The following SENP5 variants were observed in gnomAD, a reference collection of about 807,000 sequenced individuals.
SENP5 encodes SUMO specific peptidase 5, also known as sentrin-specific protease 5.
A neutral mutation model predicts 74.2 loss-of-function variants in SENP5; 21 were observed. The observed-to-expected ratio is 0.28, with a 90% CI of 0.20 to 0.41. SENP5 has a LOEUF of 0.41. SENP5 is among the 10% of genes least tolerant of loss of function. SENP5 has a pLI of 1.00. For missense variants in SENP5, 717 were observed against 889.1 expected (o/e 0.81, Z 2.46); for synonymous variants, 311 against 312.7 (o/e 0.99, Z 0.06).
intron 2 of SENP5, among the ~76,000 whole-genome samples, chr3:196,891,922 C>A (rs961875293): frequency 6.6e-6 from 1 of 150,932 alleles, no homozygotes; most frequent in African/African-American, 2.4e-5. Flanking sequence ...TCCGGAGTAG[C>A]TGGGACTATA....
At position 196,885,408 on chromosome 3, in the gene SENP5, T is replaced by G; in HGVS notation, c.227T>G (p.Leu76Arg). 6.2e-7 allele frequency: 1 copy of G among 1,614,182 alleles called. No homozygotes were observed. Among genetic ancestry groups the G allele is most frequent in the East Asian group, 2.2e-5 (1 of 44,884 alleles). Residue 76 changes from leucine to arginine, a missense_variant, in exon 2 of 10, where the codon CTT (leucine) becomes CGT (arginine). By Grantham distance (102) the Leu-to-Arg change is moderately radical. Transcript: ENST00000323460. ...IQKTWIKDEP[L>R]CAKTKFNVAT... ...AAAACGTGGATCAAGGATGAACCCC[T>G]TTGTGCTAAGACCAAGTTCAATGTG...
At chr3:196,873,683 AC>A (rs1338726463) in intron 1 of SENP5, among the ~76,000 whole-genome samples, 1 of 151,856 alleles carries the variant, frequency 6.6e-6, no homozygotes, top group Non-Finnish European at 1.5e-5. Flanking sequence ...TACTAAAAAT[AC>A]AAAAAATTAG....
intron 1 of SENP5, among the ~76,000 whole-genome samples, chr3:196,878,665 C>G (rs1431438030): frequency 1.3e-5 from 2 of 152,154 alleles, no homozygotes; most frequent in African/African-American, 4.8e-5. Flanking sequence ...GATCTCCGCT[C>G]ACTGCAATCT....
intron 6 of SENP5, among the ~76,000 whole-genome samples, chr3:196,911,710 T>C (rs926098301): frequency 6.6e-6 from 1 of 152,106 alleles, no homozygotes; most frequent in Non-Finnish European, 1.5e-5. Flanking sequence ...CTCGGGAGGC[T>C]GAGGCAGGAG....
intron 1 of SENP5, among the ~76,000 whole-genome samples, chr3:196,873,740 T>C (rs1384342202): frequency 6.6e-6 from 1 of 152,202 alleles, no homozygotes; most frequent in African/African-American, 2.4e-5. Flanking sequence ...CTCGGGAGGC[T>C]GAGGCAGGAG....
intron 6 of SENP5, among the ~76,000 whole-genome samples, chr3:196,919,231 A>T (rs1192913814): frequency 6.6e-6 from 1 of 152,244 alleles, no homozygotes; most frequent in South Asian, 2.1e-4. Context: ...CTGTAATCCT[A>T]TTAGTTTGGG....
intron 2 of SENP5, among the ~76,000 whole-genome samples, chr3:196,888,015 G>A (rs1714048832): frequency 6.6e-6 from 1 of 152,060 alleles, no homozygotes; most frequent in Non-Finnish European, 1.5e-5. Flanking sequence ...CAATCTGCCC[G>A]CCTCGGCCAG....
At chr3:196,927,637 A>T (rs1323146750) in intron 7 of SENP5, among the ~76,000 whole-genome samples, 159 bp from the exon 8 acceptor site, 1 of 57,626 alleles carries the variant, frequency 1.7e-5, no homozygotes, top group Non-Finnish European at 3.2e-5. Context: ...TCCTCTCTTT[A>T]AAAAAAAAAA....
chr3:196,877,187 T>C (rs1203004102), intron 1 of SENP5, among the ~76,000 whole-genome samples: 2 of 152,094 alleles, frequency 1.3e-5, no homozygotes, highest in East Asian at 3.9e-4. Context: ...ATTTTTAATT[T>C]TAAATATTTA....
At chr3:196,886,826 C>A in intron 2 of SENP5, 132 bp downstream of exon 2, 1 of 614,548 alleles carries the variant, frequency 1.6e-6, no homozygotes, top group Non-Finnish European at 2.7e-6. Flanking sequence ...TGCTTGAAGC[C>A]TTTTATATTG....
At position 196,933,214 on chromosome 3, in the gene SENP5, CCAT is replaced by C. The variant is rs1716112606; in HGVS notation, c.*2292_*2294del. 6.6e-6 allele frequency: 1 copy of C among 152,018 alleles called. No individual in the cohort carries two copies. Among genetic ancestry groups the C allele is most frequent in the Non-Finnish European group, 1.5e-5 (1 of 68,042 alleles). 9.4% of individuals were successfully genotyped at this position (152,018 alleles called of 1,614,324 possible). ...TACTTTTAGTAGAGACAGGATTTCA[CCAT>C]GTTGGCCAGGCTGGTCTTGAACTCC... On this transcript the variant is annotated 3_prime_UTR_variant, in exon 10 of 10. Transcript: ENST00000323460.
At chr3:196,903,303 C>G (rs1354033344) in intron 5 of SENP5, among the ~76,000 whole-genome samples, 1 of 152,102 alleles carries the variant, frequency 6.6e-6, no homozygotes, top group Non-Finnish European at 1.5e-5. Context: ...CCACGCCCGG[C>G]TAATTTTTGT....
chr3:196,907,437 CAGAG>C (rs1560153410), intron 6 of SENP5, among the ~76,000 whole-genome samples: 4 of 132,488 alleles, frequency 3.0e-5, no homozygotes, highest in African/African-American at 1.1e-4. Context: ...GCCTGGGCGA[CAGAG>C]AGACTCCGTC....
chr3:196,898,022 A>G (rs1386264481), intron 2 of SENP5, among the ~76,000 whole-genome samples: 1 of 150,062 alleles, frequency 6.7e-6, no homozygotes, highest in African/African-American at 2.5e-5. Flanking sequence ...AAAAAAAAAT[A>G]CAAAAATTAG....
intron 6 of SENP5, among the ~76,000 whole-genome samples, chr3:196,907,719 C>G (rs963986972): frequency 6.6e-6 from 1 of 152,070 alleles, no homozygotes; most frequent in African/African-American, 2.4e-5. Flanking sequence ...ACATAAAATA[C>G]ACCAACACTA....
At chr3:196,927,483 G>A (rs1030660418) in intron 7 of SENP5, among the ~76,000 whole-genome samples, 13 of 151,974 alleles carry the variant, frequency 8.6e-5, no homozygotes, top group Non-Finnish European at 1.5e-4. Flanking sequence ...ATAAAGTCCC[G>A]GCTTTAGCCG....
At chr3:196,904,863 G>A (rs946431285) in intron 6 of SENP5, 12 of 152,134 alleles carry the variant, frequency 7.9e-5, no homozygotes, top group Non-Finnish European at 7.4e-5. Context: ...GTGTATGAGT[G>A]TGTGTGTAAA....
chr3:196,911,661 T>C (rs1715137909), intron 6 of SENP5, among the ~76,000 whole-genome samples: 1 of 144,622 alleles, frequency 6.9e-6, no homozygotes, highest in African/African-American at 2.4e-5. Context: ...TTTGGGAAGC[T>C]GAGGCAGTTG....
chr3:196,878,084 C>T (rs546599966), intron 1 of SENP5, among the ~76,000 whole-genome samples: 45 of 152,120 alleles, frequency 3.0e-4, no homozygotes, highest in Non-Finnish European at 4.4e-4. Context: ...ACAACAATAT[C>T]GTGAAAGCTG....
Sources: allele counts gnomAD v4.1 joint callset (sites outside exome capture counted in the v4.1 genomes callset), GRCh38; gene constraint gnomAD v4.1.1; transcripts MANE v1.5; gene names NCBI Gene and HGNC (gene_info 2026-07-23, HGNC 2026-07-21).